The following PGPEP1 variants were observed in gnomAD, a reference collection of about 807,000 sequenced individuals.
PGPEP1 encodes the protein pyroglutamyl-peptidase I, also known as pyroglutamyl-peptidase 1.
A neutral mutation model predicts 24.1 loss-of-function variants in PGPEP1; 15 were observed. The observed-to-expected ratio is 0.62, with a 90% CI of 0.42 to 0.96. The LOEUF is 0.96. Among genes scored for constraint, PGPEP1 ranks in the 40% least tolerant of loss-of-function variants. The probability of loss-of-function intolerance (pLI) is 0.00; values close to 1 mark genes in which losing one functional copy is unlikely to be tolerated. For synonymous variants in PGPEP1, 122 were observed against 116.4 expected (o/e 1.05, Z -0.31); for missense variants, 242 against 273.4 (o/e 0.89, Z 0.81).
intron 2 of PGPEP1, among the ~76,000 whole-genome samples, chr19:18,354,284 A>G (rs1971118463): frequency 6.6e-6 from 1 of 151,964 alleles, no homozygotes; most frequent in Non-Finnish European, 1.5e-5. Flanking sequence ...TCACGAGGTC[A>G]GGAGATCGAG....
rs879845803 is a variant in PGPEP1 at position 18,364,092 on chromosome 19, C to CTTTCTTTCTTTCTTTCTTTT, written c.*528_*529insTTTTCTTTCTTTCTTTCTTT. ...TATGGCTGGCTGGCTGGCTTTCTTT[C>CTTTCTTTCTTTCTTTCTTTT]TTTCTTTCTTTCTTTCTTTCTTGCT... On this transcript the variant is annotated 3_prime_UTR_variant, in exon 5 of 5. Coordinates refer to ENST00000269919, the MANE Select transcript of PGPEP1 (RefSeq NM_017712.4). 7.5e-6 allele frequency: 1 copy of CTTTCTTTCTTTCTTTCTTTT among 133,944 alleles called. No individual in the cohort carries two copies. The highest frequency in any genetic ancestry group is 1.6e-5 in the Non-Finnish European group (1 of 63,314). 8.3% of individuals were successfully genotyped at this position (133,944 alleles called of 1,614,324 possible). A position where few individuals can be genotyped will look rare whatever the true frequency, so the allele number is the denominator to read the frequency against.
chr19:18,354,129 G>A (rs932443412), intron 2 of PGPEP1, among the ~76,000 whole-genome samples: 1 of 152,146 alleles, frequency 6.6e-6, no homozygotes, highest in African/African-American at 2.4e-5. Context: ...CAGCTACTGG[G>A]GAGGCTGAGG....
At chr19:18,353,241 A>G (rs1448803392) in intron 2 of PGPEP1, among the ~76,000 whole-genome samples, 1 of 147,892 alleles carries the variant, frequency 6.8e-6, no homozygotes, top group African/African-American at 2.5e-5. Context: ...TTTTTGAGAC[A>G]AGGCCTTGCC....
chr19:18,362,737 A>G (rs10418174), intron 4 of PGPEP1, among the ~76,000 whole-genome samples: 2,815 of 151,588 alleles, frequency 0.019, 99 homozygotes, highest in African/African-American at 0.064. Flanking sequence ...AAAAAAAAAA[A>G]AAAAAAAAGC....
intron 4 of PGPEP1, chr19:18,361,858 ATCCTTAG>A: frequency 1.3e-5 from 13 of 985,152 alleles, no homozygotes; most frequent in Non-Finnish European, 1.6e-5. Flanking sequence ...GAGAATTCTC[ATCCTTAG>A]TTTTCATTTG....
rs2144542201 is a variant in PGPEP1, at chr19:18,348,532, G to C, written c.87+5621G>C. Among the ~76,000 whole-genome samples the C allele has an allele frequency of 2.6e-5, 4 of 152,170 alleles. No individual in the cohort carries two copies. In the South Asian group the frequency reaches 8.3e-4, roughly 32 times the overall value. The stretch of plus-strand genomic sequence containing the variant: ...CTGCTGGCAAAGTGATGTGGGACTT[G>C]GGGTGCCCTGCCCCCCTTCTCCCGG... On this transcript the variant is annotated intron_variant, in intron 2 of 4. Coordinates refer to ENST00000269919, the MANE Select transcript of PGPEP1 (RefSeq NM_017712.4).
chr19:18,363,668 C>A lies in PGPEP1; in HGVS notation c.*85C>A. On this transcript the variant is annotated 3_prime_UTR_variant, in exon 5 of 5. Coordinates refer to ENST00000269919, the MANE Select transcript of PGPEP1 (RefSeq NM_017712.4). ...CCTCTGGGGTGTGGCCAGGAAAAGA[C>A]AAGCTCTTCAGCTTGGGGATCCGAT... The A allele has an allele frequency of 1.0e-6, 1 of 963,396 alleles. No homozygotes were observed. The highest frequency in any genetic ancestry group is 2.4e-5 in the Admixed American group (1 of 41,660). 59.7% of individuals were successfully genotyped at this position (963,396 alleles called of 1,614,324 possible).
chr19:18,344,194 T>C (rs1970765867), intron 2 of PGPEP1, among the ~76,000 whole-genome samples: 1 of 151,798 alleles, frequency 6.6e-6, no homozygotes, highest in Non-Finnish European at 1.5e-5. Context: ...CTCGCTGTCA[T>C]CTCCTCGCAG....
chr19:18,367,545 C>T lies in PGPEP1; in HGVS notation c.*3962C>T, dbSNP rs891415503. ...GCACTTTTATTCCTTTATTCGGCCC[C>T]TAGCACCCCCTCCCCACCCCAAAGA... is the stretch of plus-strand genomic sequence containing the variant. On this transcript the variant is annotated 3_prime_UTR_variant, in exon 5 of 5. Transcript: ENST00000269919. The T allele has an allele frequency of 6.6e-6, 1 of 152,028 alleles. No individual in the cohort carries two copies. Among genetic ancestry groups the T allele is most frequent in the Non-Finnish European group, 1.5e-5 (1 of 68,024 alleles). 9.4% of individuals were successfully genotyped at this position (152,028 alleles called of 1,614,324 possible).
chr19:18,344,492 T>G (rs898097517), intron 2 of PGPEP1, among the ~76,000 whole-genome samples: 1 of 152,050 alleles, frequency 6.6e-6, no homozygotes, highest in Non-Finnish European at 1.5e-5. Context: ...GAGAAAAATC[T>G]AAGTTGAAAC....
At chr19:18,349,231 G>A (rs1970949478) in intron 2 of PGPEP1, among the ~76,000 whole-genome samples, 1 of 151,984 alleles carries the variant, frequency 6.6e-6, no homozygotes, top group South Asian at 2.1e-4. Context: ...ATCCAGGCTG[G>A]AGGGCAGTGG....
At chr19:18,340,770 G>C in intron 1 of PGPEP1, 55 bp downstream of exon 1, 2 of 1,340,562 alleles carry the variant, frequency 1.5e-6, no homozygotes, top group Non-Finnish European at 2.0e-6. Flanking sequence ...AGGCGGGGGC[G>C]GCTCCGGGAC....
intron 4 of PGPEP1, among the ~76,000 whole-genome samples, chr19:18,360,204 A>G (rs553525930): frequency 2.0e-5 from 3 of 151,972 alleles, no homozygotes; most frequent in East Asian, 2.0e-4. Context: ...GAATCTTGCT[A>G]CATTGCCCAG....
At chr19:18,354,362 G>T (rs1394204437) in intron 2 of PGPEP1, among the ~76,000 whole-genome samples, 1 of 151,664 alleles carries the variant, frequency 6.6e-6, no homozygotes, top group African/African-American at 2.4e-5. Flanking sequence ...GGGTGTGGCG[G>T]TGGGTGCCTG....
chr19:18,355,849 T>G (rs756264545), intron 2 of PGPEP1, 46 bp from the exon 3 acceptor site: 9 of 1,195,790 alleles, frequency 7.5e-6, no homozygotes, highest in Non-Finnish European at 1.1e-5. Flanking sequence ...ATTATCCCCA[T>G]AGCTGTCATC....
At chr19:18,358,884 G>A (rs1185724603) in intron 4 of PGPEP1, among the ~76,000 whole-genome samples, 1 of 152,134 alleles carries the variant, frequency 6.6e-6, no homozygotes, top group Non-Finnish European at 1.5e-5. Context: ...TCAAAGTGCT[G>A]GGATTATAGG....
rs564751788 is a variant in PGPEP1 at position 18,342,733 on chromosome 19, T to C, written c.35-126T>C. Reference sequence around the variant, plus strand: ...CCAGAACTCAGGACCAGGCCCCCAATGTTGTCCTTGGCAGCTGCGCCCTGA... The same window carrying C: ...CCAGAACTCAGGACCAGGCCCCCAACGTTGTCCTTGGCAGCTGCGCCCTGA... On this transcript the variant is annotated intron_variant, in intron 1 of 4. Coordinates refer to ENST00000269919, the MANE Select transcript of PGPEP1 (RefSeq NM_017712.4). 70 of 725,384 alleles carry C rather than the reference T, an allele frequency of 9.7e-5. No homozygotes were observed. In the East Asian group the frequency reaches 1.4e-3, roughly 15 times the overall value. 44.9% of individuals were successfully genotyped at this position (725,384 alleles called of 1,614,324 possible). A position where few individuals can be genotyped will look rare whatever the true frequency, so the allele number is the denominator to read the frequency against.
rs1420824860 is a variant in PGPEP1, at chr19:18,363,394, T to C, written c.441T>C (p.Tyr147=). ...CCCGCCACGCCCTGCGGCTTAGATA[T>C]CTCTGCGACTTTACCTACTACACCT... ...SVTISQDAGR[Y]LCDFTYYTSL... Residue 147 remains tyrosine (Y), a synonymous_variant, in exon 5 of 5, where the codon TAT becomes TAC. Coordinates refer to ENST00000269919, the MANE Select transcript of PGPEP1 (RefSeq NM_017712.4). 11 of 1,604,762 alleles carry C rather than the reference T, an allele frequency of 6.9e-6. No homozygotes were observed. Among genetic ancestry groups the C allele is most frequent in the Non-Finnish European group, 8.5e-6 (10 of 1,172,092 alleles).
intron 2 of PGPEP1, among the ~76,000 whole-genome samples, chr19:18,354,653 G>A (rs1389736691): frequency 6.6e-6 from 1 of 152,082 alleles, no homozygotes; most frequent in East Asian, 1.9e-4. Flanking sequence ...GAATAGCTGG[G>A]ACCACAGGTG....
Sources: allele counts gnomAD v4.1 joint callset (sites outside exome capture counted in the v4.1 genomes callset), GRCh38; gene constraint gnomAD v4.1.1; transcripts MANE v1.5; gene names NCBI Gene and HGNC (gene_info 2026-07-23, HGNC 2026-07-21).